Variants in TRIOBP observed in about 807,000 individuals in gnomAD.
TRIOBP encodes the protein TRIO and F-actin binding protein.
TRIOBP carries 169 observed loss-of-function variants against 238.8 expected under a neutral mutation model. The observed-to-expected ratio is 0.71, with a 90% confidence interval of 0.62 to 0.80. TRIOBP has a LOEUF of 0.80. TRIOBP is among the 30% of genes least tolerant of loss of function. TRIOBP has a pLI of 0.00. For synonymous variants in TRIOBP, 1,150 were observed against 1,274.4 expected, an observed-to-expected ratio of 0.90 and a Z score of 2.08; for missense variants, 2,838 against 3,122.6, an observed-to-expected ratio of 0.91 and a Z score of 2.17.
chr22:37,762,791 A>C (rs1926310100), intron 17 of TRIOBP, among the ~76,000 whole-genome samples: 1 of 152,094 alleles, frequency 6.6e-6, no homozygotes, highest in South Asian at 2.1e-4. Flanking sequence ...GAGGAGTGAC[A>C]GCTGGGAGGG....
rs560730296 is a variant in TRIOBP at position 37,750,980 on chromosome 22, C to T, written c.5323-792C>T. The stretch of plus-strand genomic sequence containing the variant: ...TCCCTGCCGGCGCCAGGAGCGGAGA[C>T]TGCAGAGGGACCGGGACTTAGATGA... On this transcript the variant is annotated intron_variant, in intron 11 of 23. Transcript: ENST00000644935. The T allele has an allele frequency of 4.6e-5, 17 of 373,484 alleles. 1 individual carries two copies. In the Admixed American group the frequency reaches 4.6e-4, roughly 10 times the overall value. The allele number at this position is 373,484 out of a possible 1,614,324, so 23.1% of individuals were successfully genotyped here.
At chr22:37,771,590 C>A in intron 21 of TRIOBP, 60 bp from the exon 22 acceptor site, 1 of 1,521,712 alleles carries the variant, frequency 6.6e-7, no homozygotes, top group Non-Finnish European at 9.1e-7. Flanking sequence ...CTGCAGGGCA[C>A]TATGGGCCAG....
chr22:37,745,823 A>T (rs970234266), intron 11 of TRIOBP, among the ~76,000 whole-genome samples: 1 of 152,128 alleles, frequency 6.6e-6, no homozygotes, highest in African/African-American at 2.4e-5. Context: ...CCGCCAAATC[A>T]CGGCGCCGAG....
chr22:37,768,768 T>C (rs1354815390), intron 19 of TRIOBP, among the ~76,000 whole-genome samples: 2 of 151,150 alleles, frequency 1.3e-5, no homozygotes, highest in Non-Finnish European at 2.9e-5. Flanking sequence ...GCCATTGTAT[T>C]CCAGCCTGGG....
chr22:37,713,990 C>T (rs1923391580), intron 5 of TRIOBP, among the ~76,000 whole-genome samples: 1 of 152,174 alleles, frequency 6.6e-6, no homozygotes, highest in South Asian at 2.1e-4. Context: ...TGATAAGACT[C>T]AGAATAAAAC....
chr22:37,753,596 G>A (rs903381717), intron 12 of TRIOBP, among the ~76,000 whole-genome samples: 1 of 152,178 alleles, frequency 6.6e-6, no homozygotes, highest in Non-Finnish European at 1.5e-5. Flanking sequence ...CTTCTTAGTA[G>A]CCCTACTTTA....
intron 3 of TRIOBP, among the ~76,000 whole-genome samples, chr22:37,703,251 C>T (rs1922752875): frequency 6.6e-6 from 1 of 151,980 alleles, no homozygotes; most frequent in South Asian, 2.1e-4. Context: ...GCCTCGGCTT[C>T]CCAAAGTGCT....
At position 37,724,576 on chromosome 22, in the gene TRIOBP, A is replaced by G; in HGVS notation, c.2020A>G (p.Thr674Ala). 1 of 1,610,684 alleles carries G rather than the reference A, an allele frequency of 6.2e-7. No individual in the cohort carries two copies. Among genetic ancestry groups the G allele is most frequent in the Non-Finnish European group, 8.5e-7 (1 of 1,179,080 alleles). The change falls in exon 7 of 24, where the codon ACA becomes GCA. Residue 674 changes from threonine (T) to alanine (A), a missense_variant. Transcript: ENST00000644935. ...AACCATCCAACAAGAGAACCCCAGA[A>G]CATCCTGTGCCCTACGGGACAATCC... Reference protein sequence around the residue: ...NRTIQQENPRTSCALRDNPRA... With the variant: ...NRTIQQENPRASCALRDNPRA...
rs147381849 is a variant in TRIOBP at position 37,758,028 on chromosome 22, A to G, written c.6103A>G (p.Lys2035Glu). ...EIEKKWQELEKLPLRENKRVP... is the reference protein window; with the variant it reads ...EIEKKWQELEELPLRENKRVP... ...CGAGAAGAAGTGGCAGGAGCTGGAG[A>G]AGCTGCCCCTGCGGGAGAATAAGCG... is the stretch of plus-strand genomic sequence containing the variant. Residue 2035 changes from lysine (K) to glutamate (E), a missense_variant, in exon 16 of 24, where the codon AAG becomes GAG. Transcript: ENST00000644935. 6.2e-7 allele frequency: 1 copy of G among 1,611,098 alleles called. No individual in the cohort carries two copies. The highest frequency in any genetic ancestry group is 1.3e-5 in the African/African-American group (1 of 75,002).
Position 37,726,472 on chromosome 22 carries a change from G to GC in TRIOBP, c.3916_3917insC (p.Glu1306AlafsTer75). On this transcript the variant is annotated frameshift_variant, in exon 7 of 24. Transcript: ENST00000644935. LOFTEE classifies it high-confidence loss of function. ...CCGCACCCACAGCCCTGGCCGTGCA[G>GC]AGGTGGAGCGCCTCTTCGGGCAAGA... 1 of 1,545,132 alleles carries GC rather than the reference G, an allele frequency of 6.5e-7. No individual in the cohort carries two copies. The highest frequency in any genetic ancestry group is 1.2e-5 in the South Asian group (1 of 84,624).
intron 7 of TRIOBP, among the ~76,000 whole-genome samples, 157 bp from the exon 8 acceptor site, chr22:37,733,141 C>G (rs1261376432): frequency 6.6e-6 from 1 of 152,238 alleles, no homozygotes; most frequent in African/African-American, 2.4e-5. Context: ...GAAGGGGAAA[C>G]TAAGGCCCTG....
At chr22:37,752,953 A>T (rs2145863915) in intron 12 of TRIOBP, among the ~76,000 whole-genome samples, 1 of 152,298 alleles carries the variant, frequency 6.6e-6, no homozygotes, top group East Asian at 1.9e-4. Flanking sequence ...CAGGCTCAGA[A>T]CTCAGCGCAC....
At chr22:37,755,022 C>G (rs1925840024) in intron 13 of TRIOBP, 38 bp downstream of exon 13, 2 of 1,611,130 alleles carry the variant, frequency 1.2e-6, no homozygotes, top group Non-Finnish European at 1.7e-6. Context: ...CCCGGAAGGG[C>G]CTGGGGTGGC....
Position 37,734,457 on chromosome 22 carries a change from C to T in TRIOBP, c.4121C>T (p.Pro1374Leu), listed in dbSNP as rs748899065. 1.9e-6 allele frequency: 3 copies of T among 1,613,016 alleles called. No homozygotes were observed. Among genetic ancestry groups the T allele is most frequent in the African/African-American group, 1.3e-5 (1 of 74,932 alleles). The change falls in exon 9 of 24, where the codon CCT becomes CTT. Residue 1374 changes from proline (P) to leucine (L), a missense_variant. Physicochemically the swap from Pro to Leu is moderately conservative, Grantham distance 98. Around this residue, in one of 5 missense-constraint regions of TRIOBP, gnomAD observed 2,096 missense variants for 2,137.4 expected, o/e 0.98. Coordinates refer to ENST00000644935, the MANE Select transcript of TRIOBP (RefSeq NM_001039141.3). ...ACCCGGCGGAGCCAAGCAGAGCCCCCTCATCCTTGGAGTCCTGAGAAGAGA... is the reference window on the plus strand; with the variant it reads ...ACCCGGCGGAGCCAAGCAGAGCCCCTTCATCCTTGGAGTCCTGAGAAGAGA... ...ELTRRSQAEPPHPWSPEKRPE... is the reference protein window; with the variant it reads ...ELTRRSQAEPLHPWSPEKRPE...
chr22:37,719,076 G>A (rs1221370153), intron 6 of TRIOBP, among the ~76,000 whole-genome samples: 3 of 150,694 alleles, frequency 2.0e-5, no homozygotes, highest in Non-Finnish European at 4.4e-5. Context: ...TCCGGGACAC[G>A]CCTATAGTCC....
rs538824277 is a variant in TRIOBP, at chr22:37,719,898, T to C, written c.629-3287T>C. 4.2e-4 allele frequency among the ~76,000 whole-genome samples: 59 copies of C among 139,536 alleles called. 1 individual carries two copies. The highest frequency in any genetic ancestry group is 4.1e-3 in the Admixed American group (54 of 13,078). 91.5% of individuals were successfully genotyped at this position (139,536 alleles called of 152,430 possible). On this transcript the variant is annotated intron_variant, in intron 6 of 23. Coordinates refer to ENST00000644935, the MANE Select transcript of TRIOBP (RefSeq NM_001039141.3). ...CGGAGTCCACATCTCTGGCCTTGAT[T>C]TCTCCCCTGAACCTGCCAATTTATA...
chr22:37,703,578 C>T (rs546516072), intron 3 of TRIOBP, among the ~76,000 whole-genome samples: 125 of 148,710 alleles, frequency 8.4e-4, no homozygotes, highest in African/African-American at 2.3e-3. Flanking sequence ...GATCTGGGCT[C>T]ACTGCAAGCT....
chr22:37,726,330 C>A lies in TRIOBP; in HGVS notation c.3774C>A (p.Pro1258=). The stretch of plus-strand genomic sequence containing the variant: ...GGGGCTCCCGGGGCTCAGCGCCTCC[C>A]GGGGAGACCAGGCACAACTTGGAGC... The part of the protein sequence containing the change: ...SSGGSRGSAP[P]GETRHNLERE... The change falls in exon 7 of 24, where the codon CCC becomes CCA. Residue 1258 remains proline (P), a synonymous_variant. Transcript: ENST00000644935. 6.2e-7 allele frequency: 1 copy of A among 1,612,062 alleles called. No individual in the cohort carries two copies. Among genetic ancestry groups the A allele is most frequent in the Non-Finnish European group, 8.5e-7 (1 of 1,179,586 alleles).
intron 7 of TRIOBP, among the ~76,000 whole-genome samples, chr22:37,728,261 C>CA (rs67412135): frequency 0.23 from 18,011 of 77,684 alleles, 1,685 homozygotes; most frequent in African/African-American, 0.29. Context: ...GACTCCGTCT[C>CA]AAAAAAAAAA....
Sources: allele counts gnomAD v4.1 joint callset (sites outside exome capture counted in the v4.1 genomes callset), GRCh38; gene constraint gnomAD v4.1.1; regional missense constraint gnomAD v4.1.1; transcripts MANE v1.5; gene names NCBI Gene and HGNC (gene_info 2026-07-23, HGNC 2026-07-21).